The following PTPRU variants were observed in gnomAD, a reference collection of about 807,000 sequenced individuals.
PTPRU encodes the protein protein tyrosine phosphatase receptor type U, also known as receptor-type tyrosine-protein phosphatase U.
A neutral mutation model predicts 166.3 loss-of-function variants in PTPRU; 69 were observed. The ratio of observed to expected loss-of-function variants is 0.41; its 90% CI spans 0.34 to 0.51. The LOEUF (loss-of-function observed/expected upper bound fraction) is 0.51, where lower values mean the gene tolerates loss of function less well. Among genes scored for constraint, PTPRU ranks in the 20% least tolerant of loss-of-function variants. The probability of loss-of-function intolerance (pLI) is 0.09; values close to 1 mark genes in which losing one functional copy is unlikely to be tolerated. For synonymous variants in PTPRU, 793 were observed against 814.0 expected (o/e 0.97, Z 0.44); for missense variants, 1,657 against 2,013.7 (o/e 0.82, Z 3.39).
At chr1:29,248,092 G>C (rs1030946615) in intron 1 of PTPRU, among the ~76,000 whole-genome samples, 1 of 152,184 alleles carries the variant, frequency 6.6e-6, no homozygotes, top group Non-Finnish European at 1.5e-5. Context: ...GGGCTGGGCC[G>C]GGCCTCTGGG....
rs1683856152 is a variant in PTPRU, at chr1:29,237,956, C to T, written c.73+1239C>T. 6.6e-6 allele frequency among the ~76,000 whole-genome samples: 1 copy of T among 150,776 alleles called. No individual in the cohort carries two copies. The highest frequency in any genetic ancestry group is 6.6e-5 in the Admixed American group (1 of 15,178). Reference sequence around the variant, plus strand: ...GGCTCGCCGCCGGGGGACGGCGCCCCCTCCCTTGGCGCGCAGGACGCGCGG... The same window carrying T: ...GGCTCGCCGCCGGGGGACGGCGCCCTCTCCCTTGGCGCGCAGGACGCGCGG... On this transcript the variant is annotated intron_variant, in intron 1 of 29. Transcript: ENST00000373779. This position sits in a 1 kb window ranked among gnomAD's most constrained non-coding sequence, Gnocchi z 6.4.
At chr1:29,310,448 T>A (rs569020008) in intron 18 of PTPRU, among the ~76,000 whole-genome samples, 4 of 152,194 alleles carry the variant, frequency 2.6e-5, no homozygotes, top group Admixed American at 2.0e-4. Context: ...CAGATGCCTC[T>A]CTCCACTTTA....
Position 29,323,684 on chromosome 1 carries a change from A to G in PTPRU, c.4008A>G (p.Ala1336=), listed in dbSNP as rs1688269953. 1 of 1,614,118 alleles carries G rather than the reference A, an allele frequency of 6.2e-7. No homozygotes were observed. Among genetic ancestry groups the G allele is most frequent in the Non-Finnish European group, 8.5e-7 (1 of 1,179,992 alleles). The change falls in exon 28 of 30, where the codon GCA becomes GCG. Residue 1336 remains alanine (A), a synonymous_variant. Transcript: ENST00000373779. ...VRHFQFLRWS[A]YRDTPDSKKA... ...ACTTCCAGTTCCTGCGCTGGTCTGC[A>G]TACCGGGACACACCTGACTCCAAGA...
rs377521865 is a variant in PTPRU, at chr1:29,278,241, C to T, written c.1454-771C>T. On this transcript the variant is annotated intron_variant, in intron 8 of 29. Transcript: ENST00000373779. ...TTTATGGCTTTGTCTTGCTGCCGCA[C>T]GTGCACAGTTTTCTGTTCTGCACAG... Among the ~76,000 whole-genome samples the T allele has an allele frequency of 5.8e-4, 89 of 152,304 alleles. 1 individual carries two copies. Among genetic ancestry groups the T allele is most frequent in the African/African-American group, 1.9e-3 (80 of 41,574 alleles).
intron 1 of PTPRU, among the ~76,000 whole-genome samples, chr1:29,245,229 A>G (rs1022192295): frequency 2.6e-5 from 4 of 152,148 alleles, no homozygotes; most frequent in African/African-American, 7.2e-5. Context: ...TACCTGGACA[A>G]TGTGCTCGAT....
intron 15 of PTPRU, among the ~76,000 whole-genome samples, chr1:29,295,755 C>T (rs1191646198): frequency 6.6e-6 from 1 of 152,010 alleles, no homozygotes; most frequent in Admixed American, 6.6e-5. Context: ...GGCGCAATCT[C>T]AGCTCACTCC....
In PTPRU at chr1:29,260,944, C is replaced by A. The variant is rs200444865; in HGVS notation, c.1144+41C>A. 3,518 of 1,483,530 alleles carry A rather than the reference C, an allele frequency of 2.4e-3. 8 individuals carry two copies. Among genetic ancestry groups the A allele is most frequent in the Non-Finnish European group, 2.8e-3 (3,183 of 1,123,122 alleles). 91.9% of individuals were successfully genotyped at this position (1,483,530 alleles called of 1,614,324 possible). A position where few individuals can be genotyped will look rare whatever the true frequency, so the allele number is the denominator to read the frequency against. On this transcript the variant is annotated intron_variant, in intron 7 of 29. Coordinates refer to ENST00000373779, the MANE Select transcript of PTPRU (RefSeq NM_133178.4). This position sits in a 1 kb window ranked among gnomAD's most constrained non-coding sequence, Gnocchi z 8.3. ...ACCCCTGGCCTCAGTCTCTGGTGGGCCCAGGGCTATGGAGGGGCGCATTCG... is the reference window on the plus strand; with the variant it reads ...ACCCCTGGCCTCAGTCTCTGGTGGGACCAGGGCTATGGAGGGGCGCATTCG...
Position 29,275,678 on chromosome 1 carries a change from G to A in PTPRU, c.1375G>A (p.Val459Ile), listed in dbSNP as rs537215101. The change falls in exon 8 of 30, where the codon GTT becomes ATT. Residue 459 changes from valine to isoleucine, a missense_variant. Around this residue, in one of 3 missense-constraint regions of PTPRU, gnomAD observed 1,190 missense variants for 1,477.4 expected, o/e 0.81. Coordinates refer to ENST00000373779, the MANE Select transcript of PTPRU (RefSeq NM_133178.4). ...CAAGAACCTGCTGCCCTATCGGAAC[G>A]TTCACGTGAGGCTTGTCCTCACTAA... Reference protein sequence around the residue: ...TIKNLLPYRNVHVRLVLTNPE... With the variant: ...TIKNLLPYRNIHVRLVLTNPE... The A allele has an allele frequency of 3.2e-5, 51 of 1,614,168 alleles. No individual in the cohort carries two copies. The highest frequency in any genetic ancestry group is 4.0e-5 in the Non-Finnish European group (47 of 1,180,038).
At chr1:29,275,975 T>C (rs529983170) in intron 8 of PTPRU, among the ~76,000 whole-genome samples, 1 of 152,342 alleles carries the variant, frequency 6.6e-6, no homozygotes, top group South Asian at 2.1e-4. Flanking sequence ...AATTCAGCAG[T>C]GAAGCCATTT....
At chr1:29,251,188 G>A (rs1355198828) in intron 1 of PTPRU, among the ~76,000 whole-genome samples, 3 of 152,150 alleles carry the variant, frequency 2.0e-5, no homozygotes, top group Non-Finnish European at 4.4e-5. Flanking sequence ...GGGAGCTGGA[G>A]GTTGCAGTGA....
At chr1:29,245,245 A>G (rs1402324001) in intron 1 of PTPRU, among the ~76,000 whole-genome samples, 1 of 152,152 alleles carries the variant, frequency 6.6e-6, no homozygotes, top group African/African-American at 2.4e-5. Context: ...TCGATTCTAG[A>G]TGGCCTATCC....
At chr1:29,242,083 G>T (rs186564611) in intron 1 of PTPRU, among the ~76,000 whole-genome samples, 113 of 152,112 alleles carry the variant, frequency 7.4e-4, no homozygotes, top group African/African-American at 2.7e-3. Flanking sequence ...GTAGAGATGG[G>T]GTTTCACCAT....
intron 1 of PTPRU, among the ~76,000 whole-genome samples, chr1:29,241,814 T>C (rs1165706911): frequency 6.6e-6 from 1 of 150,972 alleles, no homozygotes; most frequent in Non-Finnish European, 1.5e-5. Flanking sequence ...AGGCTGGTCT[T>C]GAACTCCTGA....
chr1:29,279,714 T>A lies in PTPRU; in HGVS notation c.1765+57T>A. 6.4e-7 allele frequency: 1 copy of A among 1,565,692 alleles called. No individual in the cohort carries two copies. Among genetic ancestry groups the A allele is most frequent in the Non-Finnish European group, 8.7e-7 (1 of 1,145,698 alleles). ...CGGAGGTGGCCCAGAATCCCAGGGT[T>A]CCATGGGCAGAAGGGAAATGGGGGG... On this transcript the variant is annotated intron_variant, in intron 10 of 29. Transcript: ENST00000373779. The surrounding 1 kb of genome is among the most constrained non-coding windows in gnomAD (Gnocchi z 5.2).
Position 29,316,070 on chromosome 1 carries a change from C to T in PTPRU, c.3432C>T (p.Val1144=), listed in dbSNP as rs756345416. 6.2e-7 allele frequency: 1 copy of T among 1,614,154 alleles called. No individual in the cohort carries two copies. Among genetic ancestry groups the T allele is most frequent in the Non-Finnish European group, 8.5e-7 (1 of 1,179,984 alleles). The change falls in exon 24 of 30, where the codon GTC becomes GTT. Residue 1144 remains valine (V), a synonymous_variant. Transcript: ENST00000373779. The part of the protein sequence containing the change: ...ACLCGETTIP[V]SEFKATYKEM... ...TGTGTGGGGAGACCACCATCCCTGT[C>T]AGTGAGTTCAAGGCCACCTACAAGG...
intron 16 of PTPRU, 24 bp downstream of exon 16, chr1:29,304,069 A>G (rs1687269611): frequency 1.3e-6 from 2 of 1,590,732 alleles, no homozygotes. Context: ...CCGGGCCAGC[A>G]GGATCCCTGC....
At chr1:29,241,928 G>C (rs1684076105) in intron 1 of PTPRU, among the ~76,000 whole-genome samples, 1 of 150,972 alleles carries the variant, frequency 6.6e-6, no homozygotes, top group Non-Finnish European at 1.5e-5. Flanking sequence ...GTCTCGCTTT[G>C]TCACCCAGGC....
Position 29,325,738 on chromosome 1 carries a change from C to T in PTPRU, c.*77C>T. ...CCTGGACTGGCGAGGAAGATCAGTG[C>T]CTCCTGCTCTGCCCAAACACACTCC... On this transcript the variant is annotated 3_prime_UTR_variant, in exon 30 of 30. Transcript: ENST00000373779. 2.8e-6 allele frequency: 4 copies of T among 1,403,904 alleles called. No homozygotes were observed. The highest frequency in any genetic ancestry group is 3.9e-6 in the Non-Finnish European group (4 of 1,028,462). The allele number at this position is 1,403,904 out of a possible 1,614,324, so 87.0% of individuals were successfully genotyped here.
chr1:29,249,237 C>T (rs1168376106), intron 1 of PTPRU, among the ~76,000 whole-genome samples: 1 of 152,222 alleles, frequency 6.6e-6, no homozygotes, highest in Non-Finnish European at 1.5e-5. Context: ...TGTGGAGCCC[C>T]TCCCACCAGG....
Sources: gnomAD v4.1 joint callset for allele counts (sites outside exome capture counted in the v4.1 genomes callset) on GRCh38, gnomAD v4.1.1 for gene constraint, gnomAD v4.1.1 regional missense constraint, Gnocchi (gnomAD v3.1) non-coding constraint, MANE v1.5 for transcripts, NCBI Gene and HGNC (gene_info 2026-07-23, HGNC 2026-07-21) for gene names.